SMARCA1: variants seen among roughly 807,000 people sequenced by gnomAD.
The protein encoded by SMARCA1 is SWI/SNF-related matrix-associated actin-dependent regulator of chromatin subfamily A member 1.
A neutral mutation model predicts 93.6 loss-of-function variants in SMARCA1; 17 were observed. That is an observed-to-expected ratio of 0.18 (90% CI 0.12 to 0.27). The LOEUF (loss-of-function observed/expected upper bound fraction) is 0.27, where lower values mean the gene tolerates loss of function less well. SMARCA1 is among the 10% of genes least tolerant of loss of function. SMARCA1 has a pLI of 1.00. For synonymous variants in SMARCA1, 271 were observed against 271.4 expected (o/e 1.00, Z 0.01); for missense variants, 630 against 819.0 (o/e 0.77, Z 2.82).
intron 9 of SMARCA1, among the ~76,000 whole-genome samples, chrX:129,500,641 T>TA (rs1441684209): frequency 8.9e-6 from 1 of 112,753 alleles, no homozygotes; most frequent in Non-Finnish European, 1.9e-5. Flanking sequence ...GCTAAGATCA[T>TA]AGAGTGTTCT....
intron 6 of SMARCA1, among the ~76,000 whole-genome samples, chrX:129,510,224 A>C (rs2124330839): frequency 8.9e-6 from 1 of 112,590 alleles, no homozygotes; most frequent in African/African-American, 3.2e-5. Context: ...AGGCAACTTA[A>C]AAGTTTCTCA....
intron 23 of SMARCA1, among the ~76,000 whole-genome samples, chrX:129,450,716 T>C (rs745609477): frequency 5.3e-4 from 59 of 111,236 alleles, no homozygotes; most frequent in Non-Finnish European, 1.0e-3. Flanking sequence ...ATATTAACAA[T>C]AATGTTACTA....
At chrX:129,481,239 T>A in intron 17 of SMARCA1, 54 bp from the exon 18 acceptor site, 1 of 768,565 alleles carries the variant, frequency 1.3e-6, no homozygotes, top group Non-Finnish European at 2.0e-6. Context: ...AACAGTTTTA[T>A]CAAAATCAAG....
At chrX:129,485,268 CAG>C (rs1036617773) in intron 17 of SMARCA1, among the ~76,000 whole-genome samples, 1 of 112,390 alleles carries the variant, frequency 8.9e-6, no homozygotes, top group Non-Finnish European at 1.9e-5. Flanking sequence ...ATGGGGGAAA[CAG>C]AGTCAAGGGA....
chrX:129,504,718 G>C lies in SMARCA1; in HGVS notation c.1167+16C>G, dbSNP rs191163855. 939 of 1,115,641 alleles carry C rather than the reference G, an allele frequency of 8.4e-4. 3 individuals are homozygous for C. The African/African-American group carries it at 0.014, about 16-fold the overall frequency. The allele number at this position is 1,115,641 out of a possible 1,213,427, so 91.9% of individuals were successfully genotyped here. The stretch of plus-strand genomic sequence containing the variant: ...TACTATTTAATTACTGAATGTTCTT[G>C]TCTGCTATTACTTACTGCATGAAGT... On this transcript the variant is annotated intron_variant, in intron 9 of 24. Transcript: ENST00000371121.
intron 23 of SMARCA1, among the ~76,000 whole-genome samples, chrX:129,464,420 A>G: frequency 8.9e-6 from 1 of 112,374 alleles, no homozygotes; most frequent in Admixed American, 9.5e-5. Context: ...GCATAAATCT[A>G]TTTTGTCTTA....
At chrX:129,510,326 C>CT (rs761902350) in intron 6 of SMARCA1, among the ~76,000 whole-genome samples, 1 of 112,678 alleles carries the variant, frequency 8.9e-6, no homozygotes, top group South Asian at 3.6e-4. Context: ...TTACCAAGTA[C>CT]TAAGCTAAAG....
At chrX:129,448,966 G>GCACACA (rs34806802) in intron 23 of SMARCA1, among the ~76,000 whole-genome samples, 2 of 102,677 alleles carry the variant, frequency 1.9e-5, no homozygotes, top group African/African-American at 7.1e-5. Flanking sequence ...GCATTGAACT[G>GCACACA]CACACACACA....
Position 129,516,504 on chromosome X carries a change from T to G in SMARCA1, c.262-7A>C. 1 of 1,191,657 alleles carries G rather than the reference T, an allele frequency of 8.4e-7. No homozygotes were observed. The highest frequency in any genetic ancestry group is 1.1e-6 in the Non-Finnish European group (1 of 886,142). On this transcript the variant is annotated splice_polypyrimidine_tract_variant and splice_region_variant and intron_variant, in intron 2 of 24. Coordinates refer to ENST00000371121, the MANE Select transcript of SMARCA1 (RefSeq NM_001282874.2). ...TCTTTGCTCGGTCGGCTTTCTAATT[T>G]GCAAAACAAAAGAAAAGTAAGGACT...
chrX:129,478,621 AC>A (rs1305818611), intron 19 of SMARCA1, among the ~76,000 whole-genome samples: 2 of 111,634 alleles, frequency 1.8e-5, no homozygotes, highest in Non-Finnish European at 3.8e-5. Context: ...GTAAGACTTC[AC>A]CCCTAACCAC....
chrX:129,508,175 T>C (rs190077883), intron 6 of SMARCA1, 79 bp from the exon 7 acceptor site: 10 of 618,986 alleles, frequency 1.6e-5, no homozygotes, highest in African/African-American at 4.8e-5. Flanking sequence ...AATTAAAATA[T>C]CAAGAAAATA....
rs781411650 is a variant in SMARCA1 at position 129,513,481 on chromosome X, G to A, written c.631-1498C>T. On this transcript the variant is annotated intron_variant, in intron 5 of 24. Transcript: ENST00000371121. ...GGAGGTTGCAGTAAGCAATGATCAC[G>A]CCATTGCACTCCAGCCTGGACAACA... Among the ~76,000 whole-genome samples the A allele has an allele frequency of 5.6e-5, 6 of 106,576 alleles. No homozygotes were observed. In the East Asian group the frequency reaches 8.7e-4, roughly 15 times the overall value. 92.5% of individuals were successfully genotyped at this position (106,576 alleles called of 115,157 possible). A position where few individuals can be genotyped will look rare whatever the true frequency, so the allele number is the denominator to read the frequency against.
chrX:129,450,027 T>A (rs1932209697), intron 23 of SMARCA1, among the ~76,000 whole-genome samples: 1 of 112,866 alleles, frequency 8.9e-6, no homozygotes, highest in Admixed American at 9.3e-5. Context: ...TGATGAAATG[T>A]CAATGCTACT....
intron 5 of SMARCA1, 26 bp from the exon 6 acceptor site, chrX:129,512,009 A>T (rs1234759467): frequency 9.1e-7 from 1 of 1,097,922 alleles, no homozygotes; most frequent in Non-Finnish European, 1.2e-6. Context: ...AAGGAAAAAA[A>T]TCCATGAACA....
intron 4 of SMARCA1, 36 bp downstream of exon 4, chrX:129,515,858 T>A: frequency 8.6e-7 from 1 of 1,157,898 alleles, no homozygotes; most frequent in Non-Finnish European, 1.2e-6. Flanking sequence ...TAAAACTAAA[T>A]TGAAAAAGAA....
intron 17 of SMARCA1, among the ~76,000 whole-genome samples, chrX:129,483,864 A>G (rs1260655119): frequency 8.9e-6 from 1 of 112,167 alleles, no homozygotes; most frequent in African/African-American, 3.2e-5. Context: ...ATCTACCTCA[A>G]TGTATAGTTT....
In SMARCA1 at chrX:129,505,254, T is replaced by C. The variant is rs762636094; in HGVS notation, c.1099-452A>G. 3.5e-3 allele frequency among the ~76,000 whole-genome samples: 389 copies of C among 111,945 alleles called. 2 individuals are homozygous for C. Among genetic ancestry groups the C allele is most frequent in the Non-Finnish European group, 6.6e-3 (349 of 53,169 alleles). On this transcript the variant is annotated intron_variant, in intron 8 of 24. Transcript: ENST00000371121. ...GGCCAGGTACGGTGGCTCACACCTG[T>C]AATCCCAGCACTTTGGGAGGCTGAG...
intron 19 of SMARCA1, among the ~76,000 whole-genome samples, chrX:129,474,073 G>A (rs1032764443): frequency 5.4e-5 from 6 of 111,699 alleles, no homozygotes; most frequent in African/African-American, 1.6e-4. Context: ...ATAAATATCC[G>A]TATGATAGAG....
chrX:129,461,504 A>G (rs4406574), intron 23 of SMARCA1, among the ~76,000 whole-genome samples: 35,313 of 110,681 alleles, frequency 0.32, 6,202 homozygotes, highest in African/African-American at 0.67. Context: ...TCCCAGTCAC[A>G]TTTAGTCGTC....
Sources: allele counts gnomAD v4.1 joint callset (sites outside exome capture counted in the v4.1 genomes callset), GRCh38; gene constraint gnomAD v4.1.1; transcripts MANE v1.5; gene names NCBI Gene and HGNC (gene_info 2026-07-23, HGNC 2026-07-21).